The following HIKESHI variants were observed in gnomAD, a reference collection of about 807,000 sequenced individuals.
HIKESHI encodes heat shock protein nuclear import factor hikeshi.
A neutral mutation model predicts 25.7 loss-of-function variants in HIKESHI; 13 were observed. The observed-to-expected ratio is 0.51, with a 90% CI of 0.33 to 0.80. HIKESHI has a LOEUF of 0.80. Ranked by LOEUF, HIKESHI falls within the 30% of genes least tolerant of loss-of-function variation. The pLI is 0.02. For missense variants in HIKESHI, 174 were observed against 229.5 expected (o/e 0.76, Z 1.56); for synonymous variants, 76 against 78.7 (o/e 0.97, Z 0.18).
chr11:86,338,393 G>T (rs1947626302), intron 3 of HIKESHI, among the ~76,000 whole-genome samples: 1 of 142,804 alleles, frequency 7.0e-6, no homozygotes, highest in African/African-American at 3.1e-5. Flanking sequence ...CAGCATATAT[G>T]GAGGTGTTCA....
chr11:86,329,287 T>C (rs181736618), intron 2 of HIKESHI, among the ~76,000 whole-genome samples: 49 of 152,264 alleles, frequency 3.2e-4, no homozygotes, highest in African/African-American at 1.2e-3. Flanking sequence ...TTATATTTTG[T>C]TGGTAAGCTG....
intron 3 of HIKESHI, chr11:86,344,168 T>C (rs1332125232): frequency 6.5e-6 from 1 of 152,872 alleles, no homozygotes; most frequent in African/African-American, 2.4e-5. Flanking sequence ...AATAGGTTGA[T>C]TTGAGGAGAG....
chr11:86,310,958 G>T (rs868711923), intron 2 of HIKESHI, among the ~76,000 whole-genome samples: 1 of 152,144 alleles, frequency 6.6e-6, no homozygotes, highest in Non-Finnish European at 1.5e-5. Context: ...GCTGGATTCG[G>T]TTTGCCAGTA....
At chr11:86,315,683 A>AAGAGTTTACCACTCGT (rs58040097) in intron 2 of HIKESHI, among the ~76,000 whole-genome samples, 1 of 151,764 alleles carries the variant, frequency 6.6e-6, no homozygotes, top group Non-Finnish European at 1.5e-5. Flanking sequence ...GATGAAGATG[A>AAGAGTTTACCACTCGT]AGACCATTAG....
intron 3 of HIKESHI, chr11:86,344,200 G>T (rs1947807533): frequency 6.5e-6 from 1 of 154,178 alleles, no homozygotes; most frequent in Non-Finnish European, 1.4e-5. Flanking sequence ...GAGGGACATA[G>T]TGGATGCAGA....
At chr11:86,325,186 A>AT (rs1417273900) in intron 2 of HIKESHI, among the ~76,000 whole-genome samples, 5 of 151,968 alleles carry the variant, frequency 3.3e-5, no homozygotes, top group Non-Finnish European at 7.4e-5. Context: ...TCAAAAAAAA[A>AT]GGAAAAAAAA....
chr11:86,319,316 C>T (rs146887080), intron 2 of HIKESHI, among the ~76,000 whole-genome samples: 1 of 147,558 alleles, frequency 6.8e-6, no homozygotes, highest in East Asian at 2.0e-4. Context: ...CAGCTCACTG[C>T]AGCCTCAAGC....
Position 86,302,297 on chromosome 11 carries a change from C to T in HIKESHI, c.-152C>T. On this transcript the variant is annotated 5_prime_UTR_variant, in exon 1 of 5. Coordinates refer to ENST00000278483, the MANE Select transcript of HIKESHI (RefSeq NM_016401.4). ...AGGTCAGAGTTCGCGGGGGCAGAGG[C>T]ATTCTTGCCGCTGGCCCAGTCACTA... 1.2e-6 allele frequency: 1 copy of T among 866,072 alleles called. No homozygotes were observed. The highest frequency in any genetic ancestry group is 1.5e-5 in the South Asian group (1 of 68,668). 53.6% of individuals were successfully genotyped at this position (866,072 alleles called of 1,614,324 possible).
chr11:86,341,079 T>C (rs1265067173), intron 3 of HIKESHI, among the ~76,000 whole-genome samples: 3 of 152,228 alleles, frequency 2.0e-5, no homozygotes, highest in Non-Finnish European at 4.4e-5. Flanking sequence ...GTTATTTCCA[T>C]ATATCAGAAA....
chr11:86,322,969 C>G (rs556121240), intron 2 of HIKESHI, among the ~76,000 whole-genome samples: 10 of 152,240 alleles, frequency 6.6e-5, no homozygotes, highest in African/African-American at 2.4e-4. Flanking sequence ...TAGCTCATGC[C>G]TATAATCCTG....
At chr11:86,314,491 T>G (rs1388262752) in intron 2 of HIKESHI, among the ~76,000 whole-genome samples, 1 of 152,162 alleles carries the variant, frequency 6.6e-6, no homozygotes, top group Non-Finnish European at 1.5e-5. Flanking sequence ...GGCATGTGCC[T>G]GTAGTCCCAG....
At chr11:86,333,963 A>G (rs1947483142) in intron 2 of HIKESHI, among the ~76,000 whole-genome samples, 1 of 152,244 alleles carries the variant, frequency 6.6e-6, no homozygotes, top group Admixed American at 6.5e-5. Context: ...AAAAAAGAAC[A>G]AGATACAACC....
chr11:86,325,806 A>C (rs1291797984), intron 2 of HIKESHI, among the ~76,000 whole-genome samples: 2 of 151,820 alleles, frequency 1.3e-5, no homozygotes, highest in East Asian at 1.9e-4. Context: ...CGGGAGGCGG[A>C]GGTTGCAGTG....
chr11:86,321,396 C>G (rs1026160279), intron 2 of HIKESHI, among the ~76,000 whole-genome samples: 7 of 152,148 alleles, frequency 4.6e-5, no homozygotes, highest in African/African-American at 1.7e-4. Flanking sequence ...CAGTTGTCCG[C>G]AAATCTTTGT....
chr11:86,304,202 TAATA>T, intron 1 of HIKESHI, among the ~76,000 whole-genome samples: 1 of 152,228 alleles, frequency 6.6e-6, no homozygotes. Flanking sequence ...ACTTTATAAC[TAATA>T]GATAGTTGAA....
At chr11:86,334,603 A>G (rs1392547663) in intron 2 of HIKESHI, among the ~76,000 whole-genome samples, 1 of 152,170 alleles carries the variant, frequency 6.6e-6, no homozygotes, top group Non-Finnish European at 1.5e-5. Context: ...TGATAATGAT[A>G]TGTTTTCTGG....
Position 86,319,244 on chromosome 11 carries a change from T to TA in HIKESHI, c.268+12762_268+12763insA, listed in dbSNP as rs1331217688. ...TATATATATATATATATATATATAT[T>TA]TTTTTTTTTTTTGAGACCAGTCTCA... On this transcript the variant is annotated intron_variant, in intron 2 of 4. Coordinates refer to ENST00000278483, the MANE Select transcript of HIKESHI (RefSeq NM_016401.4). 4.6e-3 allele frequency among the ~76,000 whole-genome samples: 464 copies of TA among 100,150 alleles called. 1 individual carries two copies. The highest frequency in any genetic ancestry group is 0.01 in the Middle Eastern group (2 of 196). The allele number at this position is 100,150 out of a possible 152,430, so 65.7% of individuals were successfully genotyped here.
At chr11:86,316,903 C>T (rs986707478) in intron 2 of HIKESHI, among the ~76,000 whole-genome samples, 1 of 149,722 alleles carries the variant, frequency 6.7e-6, no homozygotes, top group African/African-American at 2.5e-5. Flanking sequence ...ATGCCATTCT[C>T]CTGCATCAGC....
At chr11:86,339,436 G>T (rs995941571) in intron 3 of HIKESHI, among the ~76,000 whole-genome samples, 1 of 152,034 alleles carries the variant, frequency 6.6e-6, no homozygotes, top group Non-Finnish European at 1.5e-5. Context: ...TTTATGGTGG[G>T]GTATACATTA....
Sources: allele counts gnomAD v4.1 joint callset (sites outside exome capture counted in the v4.1 genomes callset), GRCh38; gene constraint gnomAD v4.1.1; transcripts MANE v1.5; gene names NCBI Gene and HGNC (gene_info 2026-07-23, HGNC 2026-07-21).